MYO3A: variants seen among roughly 807,000 people sequenced by gnomAD.
The protein encoded by MYO3A is myosin-IIIa.
In MYO3A, 180 loss-of-function variants were observed where a neutral mutation model predicts 192.7. The ratio of observed to expected loss-of-function variants is 0.93; its 90% CI spans 0.83 to 1.06. MYO3A has a LOEUF of 1.06. Among genes scored for constraint, MYO3A ranks in the 50% least tolerant of loss-of-function variants. The pLI is 0.00. For synonymous variants in MYO3A, 628 were observed against 645.3 expected, an observed-to-expected ratio of 0.97 and a Z score of 0.41; for missense variants, 1,896 against 1,905.0, an observed-to-expected ratio of 1.00 and a Z score of 0.09.
At chr10:25,942,096 G>C (rs1404762939) in intron 2 of MYO3A, among the ~76,000 whole-genome samples, 1 of 151,266 alleles carries the variant, frequency 6.6e-6, no homozygotes, top group African/African-American at 2.4e-5. Context: ...CTGCCTCCTG[G>C]GTTCAAGTGA....
intron 4 of MYO3A, among the ~76,000 whole-genome samples, chr10:25,992,419 A>T (rs911882096): frequency 4.6e-5 from 7 of 152,226 alleles, no homozygotes; most frequent in Admixed American, 1.3e-4. Context: ...GGCTGAGACA[A>T]TGGGGTTTTC....
rs779268509 is a variant in MYO3A, at chr10:26,157,330, G to A, written c.2814G>A (p.Leu938=). 3.7e-6 allele frequency: 6 copies of A among 1,614,036 alleles called. No individual in the cohort carries two copies. The South Asian group carries it at 4.4e-5, about 12-fold the overall frequency. The change falls in exon 26 of 35, where the codon TTG becomes TTA. Residue 938 remains leucine, a synonymous_variant. Transcript: ENST00000642920. The part of the protein sequence containing the change: ...SYFRYSLMDL[L]SKMVVGQPHF... The stretch of plus-strand genomic sequence containing the variant: ...TATAGTATTCCCTGATGGATTTGTT[G>A]TCTAAAATGGTGGTGGGCCAACCTC...
intron 32 of MYO3A, among the ~76,000 whole-genome samples, chr10:26,194,594 C>T (rs4747546): frequency 0.15 from 22,171 of 152,208 alleles, 1,779 homozygotes; most frequent in East Asian, 0.3. Flanking sequence ...TTTCCCACCT[C>T]GCAGGCAGAA....
intron 6 of MYO3A, among the ~76,000 whole-genome samples, chr10:26,004,773 T>C (rs12268406): frequency 0.094 from 14,272 of 152,124 alleles, 1,176 homozygotes; most frequent in African/African-American, 0.21. Context: ...AAAATACTAA[T>C]ATTGCTGGTA....
chr10:25,967,048 A>C (rs1390696867), intron 4 of MYO3A, among the ~76,000 whole-genome samples: 1 of 152,216 alleles, frequency 6.6e-6, no homozygotes, highest in Non-Finnish European at 1.5e-5. Context: ...AGATCAAAGC[A>C]ACTGTTGCTG....
intron 31 of MYO3A, among the ~76,000 whole-genome samples, chr10:26,187,123 TCA>T (rs1246995760): frequency 6.6e-6 from 1 of 152,122 alleles, no homozygotes; most frequent in Non-Finnish European, 1.5e-5. Context: ...TGAAATGAAA[TCA>T]CAGTCTTTGC....
chr10:26,174,196 C>A lies in MYO3A; in HGVS notation c.3932C>A (p.Thr1311Asn), dbSNP rs146693681. 6.2e-7 allele frequency: 1 copy of A among 1,614,072 alleles called. No homozygotes were observed. The highest frequency in any genetic ancestry group is 8.5e-7 in the Non-Finnish European group (1 of 1,180,048). Residue 1311 changes from threonine (T) to asparagine (N), a missense_variant, in exon 30 of 35, where the codon ACC (threonine) becomes AAC (asparagine). Thr to Asn is a moderately conservative substitution (Grantham distance 65). Coordinates refer to ENST00000642920, the MANE Select transcript of MYO3A (RefSeq NM_017433.5). Reference sequence around the variant, plus strand: ...AAAGAAAAGAAGACATCTGTAGTTACCCAGCGTGCACCGATATGCAGCCAG... The same window carrying A: ...AAAGAAAAGAAGACATCTGTAGTTAACCAGCGTGCACCGATATGCAGCCAG... ...MEKEKKTSVVTQRAPICSQEE... is the reference protein window; with the variant it reads ...MEKEKKTSVVNQRAPICSQEE...
intron 10 of MYO3A, among the ~76,000 whole-genome samples, chr10:26,054,489 T>G (rs1844198438): frequency 6.6e-6 from 1 of 152,172 alleles, no homozygotes; most frequent in African/African-American, 2.4e-5. Flanking sequence ...CCATTTGCCT[T>G]TCTAGATTTT....
In MYO3A at chr10:26,157,319, A is replaced by C. The variant is rs375958934; in HGVS notation, c.2803A>C (p.Met935Leu). The C allele has an allele frequency of 1.0e-4, 161 of 1,613,900 alleles. No individual in the cohort carries two copies. The highest frequency in any genetic ancestry group is 1.3e-4 in the Non-Finnish European group (157 of 1,179,928). The change falls in exon 26 of 35, where the codon ATG becomes CTG. Residue 935 changes from methionine (M) to leucine (L), a missense_variant. By Grantham distance (15) the Met-to-Leu change is conservative. Transcript: ENST00000642920. ...TVASYFRYSL[M>L]DLLSKMVVGQ... ...TTGTTGTGTATTATAGTATTCCCTG[A>C]TGGATTTGTTGTCTAAAATGGTGGT...
At chr10:26,037,827 G>T (rs1208844903) in intron 10 of MYO3A, among the ~76,000 whole-genome samples, 1 of 152,120 alleles carries the variant, frequency 6.6e-6, no homozygotes, top group African/African-American at 2.4e-5. Flanking sequence ...AGAGTCAAGG[G>T]GGAAATTCTA....
intron 26 of MYO3A, among the ~76,000 whole-genome samples, chr10:26,159,363 CTTTT>C (rs60037752): frequency 1.6e-5 from 2 of 128,300 alleles, no homozygotes; most frequent in Admixed American, 7.9e-5. Context: ...TTTTCTTTTT[CTTTT>C]TTTTTTTTTT....
intron 10 of MYO3A, among the ~76,000 whole-genome samples, chr10:26,033,511 A>G (rs1842895244): frequency 6.6e-6 from 1 of 151,964 alleles, no homozygotes; most frequent in Non-Finnish European, 1.5e-5. Context: ...TTACGATCCC[A>G]CTCAACACCA....
chr10:26,098,367 A>G (rs574197430), intron 17 of MYO3A, among the ~76,000 whole-genome samples: 2 of 152,256 alleles, frequency 1.3e-5, no homozygotes, highest in East Asian at 1.9e-4. Flanking sequence ...TAGGTTGCCT[A>G]TTCACTCTGA....
At chr10:26,114,527 T>C (rs1035349901) in intron 17 of MYO3A, among the ~76,000 whole-genome samples, 1 of 152,138 alleles carries the variant, frequency 6.6e-6, no homozygotes, top group African/African-American at 2.4e-5. Flanking sequence ...TCTCATAAAC[T>C]CTAACCACTC....
At chr10:26,031,071 A>G (rs560965734) in intron 10 of MYO3A, among the ~76,000 whole-genome samples, 1 of 152,358 alleles carries the variant, frequency 6.6e-6, no homozygotes, top group South Asian at 2.1e-4. Context: ...AATTTTTCTT[A>G]TGAATCCAGT....
chr10:26,131,378 G>A (rs553053087), intron 20 of MYO3A, among the ~76,000 whole-genome samples: 2 of 152,138 alleles, frequency 1.3e-5, no homozygotes, highest in East Asian at 3.9e-4. Context: ...TTATGATGGT[G>A]ACCCAATCTA....
rs780717551 is a variant in MYO3A at position 26,153,906 on chromosome 10, G to A, written c.2692G>A (p.Glu898Lys). ...NVINYQMRTS[E>K]KLINLAKGDT... ...TATAAACTATCAAATGAGGACTTCAGAAAAATTAATCAACCTGGCAAAGGT... is the reference window on the plus strand; with the variant it reads ...TATAAACTATCAAATGAGGACTTCAAAAAAATTAATCAACCTGGCAAAGGT... Residue 898 changes from glutamate to lysine, a missense_variant, in exon 24 of 35, where the codon GAA (glutamate) becomes AAA (lysine). Glu to Lys is a moderately conservative substitution (Grantham distance 56). Coordinates refer to ENST00000642920, the MANE Select transcript of MYO3A (RefSeq NM_017433.5). The A allele has an allele frequency of 1.9e-6, 3 of 1,594,644 alleles. No homozygotes were observed. Among genetic ancestry groups the A allele is most frequent in the East Asian group, 2.2e-5 (1 of 44,638 alleles).
intron 23 of MYO3A, among the ~76,000 whole-genome samples, chr10:26,149,400 A>G (rs942668317): frequency 6.6e-6 from 1 of 151,778 alleles, no homozygotes; most frequent in Admixed American, 6.6e-5. Flanking sequence ...ACGCCCAACT[A>G]ATTTTTGTAT....
chr10:26,141,822 T>C (rs978273197), intron 20 of MYO3A, among the ~76,000 whole-genome samples: 6 of 152,218 alleles, frequency 3.9e-5, no homozygotes, highest in Non-Finnish European at 8.8e-5. Context: ...ATTCTTCTCA[T>C]TTTTATGCAT....
Sources: gnomAD v4.1 joint callset for allele counts (sites outside exome capture counted in the v4.1 genomes callset) on GRCh38, gnomAD v4.1.1 for gene constraint, MANE v1.5 for transcripts, NCBI Gene and HGNC (gene_info 2026-07-23, HGNC 2026-07-21) for gene names.